FHIT: variants seen among roughly 807,000 people sequenced by gnomAD.
FHIT encodes the protein fragile histidine triad diadenosine triphosphatase, also known as bis(5'-adenosyl)-triphosphatase.
In FHIT, 19 loss-of-function variants were observed where a neutral mutation model predicts 17.9. The observed-to-expected ratio is 1.06, with a 90% CI of 0.74 to 1.56. The LOEUF (loss-of-function observed/expected upper bound fraction) is 1.56, where lower values mean the gene tolerates loss of function less well. Among genes scored for constraint, FHIT ranks in the 40% most tolerant of loss-of-function variants. FHIT has a pLI of 0.00. For missense variants in FHIT, 248 were observed against 189.2 expected (o/e 1.31, Z -1.82); for synonymous variants, 81 against 69.7 (o/e 1.16, Z -0.81).
At chr3:61,115,383 GGCAGGAGC>G (rs2036271795) in intron 2 of FHIT, among the ~76,000 whole-genome samples, 1 of 152,036 alleles carries the variant, frequency 6.6e-6, no homozygotes, top group Non-Finnish European at 1.5e-5. Context: ...CCTGATAAGA[GGCAGGAGC>G]GCCAAGAGTA....
chr3:60,918,186 G>A (rs1707101862), intron 3 of FHIT, among the ~76,000 whole-genome samples: 1 of 152,182 alleles, frequency 6.6e-6, no homozygotes, highest in African/African-American at 2.4e-5. Flanking sequence ...CTTGCACCAT[G>A]ATTGTGAGGC....
At chr3:60,614,682 G>A (rs2038888635) in intron 4 of FHIT, among the ~76,000 whole-genome samples, 1 of 152,000 alleles carries the variant, frequency 6.6e-6, no homozygotes, top group Non-Finnish European at 1.5e-5. Flanking sequence ...ACATTACAGT[G>A]GATTGACAGC....
intron 4 of FHIT, among the ~76,000 whole-genome samples, chr3:60,807,743 C>T (rs1701446576): frequency 6.6e-6 from 1 of 151,962 alleles, no homozygotes; most frequent in South Asian, 2.1e-4. Context: ...TAAAGAAGTA[C>T]AGCCATGGTT....
intron 2 of FHIT, among the ~76,000 whole-genome samples, chr3:61,081,707 C>T (rs1040938303): frequency 6.6e-6 from 1 of 152,194 alleles, no homozygotes; most frequent in Admixed American, 6.5e-5. Flanking sequence ...TTCTCCTCTT[C>T]TATGAGGACA....
intron 8 of FHIT, among the ~76,000 whole-genome samples, chr3:59,875,741 T>C (rs953152765): frequency 6.6e-6 from 1 of 152,150 alleles, no homozygotes; most frequent in African/African-American, 2.4e-5. Flanking sequence ...AACGATGGCT[T>C]AACAAGAGAT....
intron 3 of FHIT, among the ~76,000 whole-genome samples, chr3:60,926,543 A>G (rs1707625130): frequency 1.3e-5 from 2 of 152,240 alleles, no homozygotes; most frequent in South Asian, 4.1e-4. Flanking sequence ...AATCTGTGGG[A>G]CACATTCAAA....
At chr3:60,776,855 T>C (rs952374939) in intron 4 of FHIT, among the ~76,000 whole-genome samples, 1 of 152,204 alleles carries the variant, frequency 6.6e-6, no homozygotes, top group Admixed American at 6.5e-5. Context: ...TGAGTTACAT[T>C]AGGAAAAAGC....
intron 5 of FHIT, among the ~76,000 whole-genome samples, chr3:60,056,836 AC>A (rs1241693309): frequency 3.3e-5 from 5 of 152,240 alleles, no homozygotes; most frequent in Admixed American, 6.5e-5. Flanking sequence ...AGCAGAGCAG[AC>A]AGAAAAACAT....
intron 3 of FHIT, among the ~76,000 whole-genome samples, chr3:60,942,287 G>C (rs1286753174): frequency 2.0e-5 from 3 of 152,064 alleles, no homozygotes; most frequent in Non-Finnish European, 4.4e-5. Context: ...TATACAGTAG[G>C]TATCCACAAA....
intron 3 of FHIT, among the ~76,000 whole-genome samples, chr3:60,882,042 CA>C (rs1191593291): frequency 6.6e-6 from 1 of 151,692 alleles, no homozygotes; most frequent in East Asian, 1.9e-4. Context: ...AAATTAGAAA[CA>C]AAAAGAGAGA....
At position 60,940,550 on chromosome 3, in the gene FHIT, G is replaced by C. The variant is rs539963535; in HGVS notation, c.-111+101497C>G. ...TTTCCGAATCCAATATACAAGTTATGTAACTGAAAATAAATACAATGAGGG... is the reference window on the plus strand; with the variant it reads ...TTTCCGAATCCAATATACAAGTTATCTAACTGAAAATAAATACAATGAGGG... On this transcript the variant is annotated intron_variant, in intron 3 of 9. Coordinates refer to ENST00000492590, the MANE Select transcript of FHIT (RefSeq NM_002012.4). Among the ~76,000 whole-genome samples the C allele has an allele frequency of 6.6e-5, 10 of 152,192 alleles. No homozygotes were observed. The East Asian group carries it at 1.9e-3, about 29-fold the overall frequency.
chr3:60,288,061 T>G (rs1361546267), intron 5 of FHIT, among the ~76,000 whole-genome samples: 2 of 152,040 alleles, frequency 1.3e-5, no homozygotes, highest in African/African-American at 2.4e-5. Context: ...ACCCACCAGG[T>G]TGGGAATAAT....
intron 2 of FHIT, among the ~76,000 whole-genome samples, chr3:61,161,745 A>G (rs192869840): frequency 2.0e-5 from 3 of 152,342 alleles, no homozygotes; most frequent in Non-Finnish European, 4.4e-5. Context: ...AAAAATAAAA[A>G]TAAAAAGACT....
intron 5 of FHIT, among the ~76,000 whole-genome samples, chr3:60,382,363 T>C (rs1353426742): frequency 1.3e-5 from 2 of 152,224 alleles, no homozygotes; most frequent in Non-Finnish European, 2.9e-5. Context: ...CACGTGTCTT[T>C]CCACGTGCCA....
chr3:60,072,324 GT>G (rs1702811614), intron 5 of FHIT, among the ~76,000 whole-genome samples: 1 of 152,148 alleles, frequency 6.6e-6, no homozygotes, highest in East Asian at 1.9e-4. Flanking sequence ...TGGTGCTAAT[GT>G]TAAGAACATC....
rs374512961 is a variant in FHIT at position 59,910,840 on chromosome 3, G to A, written c.348+11506C>T. Reference sequence around the variant, plus strand: ...CTAGCTTCAGTTCACTTGGCTTTACGAAAGCACAGCTTAGTTTTTGGTGAC... The same window carrying A: ...CTAGCTTCAGTTCACTTGGCTTTACAAAAGCACAGCTTAGTTTTTGGTGAC... On this transcript the variant is annotated intron_variant, in intron 8 of 9. Transcript: ENST00000492590. Among the ~76,000 whole-genome samples the A allele has an allele frequency of 3.3e-5, 5 of 151,920 alleles. No homozygotes were observed. In the East Asian group the frequency reaches 5.8e-4, roughly 18 times the overall value.
At chr3:61,223,253 T>A (rs939891572) in intron 1 of FHIT, among the ~76,000 whole-genome samples, 1 of 152,190 alleles carries the variant, frequency 6.6e-6, no homozygotes, top group Non-Finnish European at 1.5e-5. Flanking sequence ...GTTTGCATGA[T>A]AGGCCAAGCA....
intron 4 of FHIT, among the ~76,000 whole-genome samples, chr3:60,600,723 G>A (rs1342447417): frequency 6.6e-6 from 1 of 152,180 alleles, no homozygotes. Flanking sequence ...ACTGACAGAA[G>A]GGGAGTGATG....
chr3:60,486,562 C>G (rs1401580345), intron 5 of FHIT, among the ~76,000 whole-genome samples: 1 of 152,090 alleles, frequency 6.6e-6, no homozygotes, highest in Non-Finnish European at 1.5e-5. Flanking sequence ...ACCATCAGTT[C>G]TTTCACTGAT....
Sources: gnomAD v4.1 joint callset for allele counts (sites outside exome capture counted in the v4.1 genomes callset) on GRCh38, gnomAD v4.1.1 for gene constraint, MANE v1.5 for transcripts, NCBI Gene and HGNC (gene_info 2026-07-23, HGNC 2026-07-21) for gene names.